The following COL9A3 variants were observed in gnomAD, a reference collection of about 807,000 sequenced individuals.
COL9A3 encodes the protein collagen type IX alpha 3 chain, also known as collagen alpha-3(IX) chain.
In COL9A3, 82 loss-of-function variants were observed where a neutral mutation model predicts 110.2. The observed-to-expected ratio is 0.74, with a 90% confidence interval of 0.62 to 0.89. The LOEUF is 0.89. Ranked by LOEUF, COL9A3 falls within the 40% of genes least tolerant of loss-of-function variation. COL9A3 has a pLI of 0.00. For missense variants in COL9A3, 1,066 were observed against 981.3 expected (o/e 1.09, Z -1.15); for synonymous variants, 494 against 403.8 (o/e 1.22, Z -2.68).
At chr20:62,835,846 T>C (rs923116078) in intron 26 of COL9A3, 75 bp from the exon 27 acceptor site, 8 of 1,495,748 alleles carry the variant, frequency 5.3e-6, no homozygotes, top group African/African-American at 1.4e-5. Context: ...ATTTGATTTA[T>C]TTTATCCTCA....
intron 29 of COL9A3, 145 bp from the exon 30 acceptor site, chr20:62,836,938 C>T (rs1312207314): frequency 4.5e-6 from 5 of 1,105,260 alleles, no homozygotes; most frequent in Non-Finnish European, 6.8e-6. Context: ...CATTCATCAC[C>T]CCAAAGCAGT....
intron 3 of COL9A3, 34 bp from the exon 4 acceptor site, chr20:62,819,188 C>T (rs531320203): frequency 1.1e-5 from 17 of 1,603,546 alleles, no homozygotes; most frequent in African/African-American, 4.0e-5. Flanking sequence ...GGCCAGACCC[C>T]GCCTTCACAT....
intron 3 of COL9A3, 50 bp downstream of exon 3, chr20:62,818,603 G>A (rs771733147): frequency 1.3e-6 from 2 of 1,572,808 alleles, no homozygotes; most frequent in East Asian, 2.2e-5. Flanking sequence ...TGGAGAGAAA[G>A]GGGGAACTCA....
chr20:62,822,577 T>A lies in COL9A3; in HGVS notation c.478-14T>A, dbSNP rs1455548872. ...GGAGGGCGGGAGAATGTCAGCTGTC[T>A]CTTTTTGTCTTAGGGACACCCAGGA... is the stretch of plus-strand genomic sequence containing the variant. On this transcript the variant is annotated splice_polypyrimidine_tract_variant and intron_variant, in intron 9 of 31. Transcript: ENST00000649368. 5 of 1,612,018 alleles carry A rather than the reference T, an allele frequency of 3.1e-6. No homozygotes were observed. In the African/African-American group the frequency reaches 5.3e-5, roughly 17 times the overall value.
In COL9A3 at chr20:62,828,986, C is replaced by T. The variant is rs6062700; in HGVS notation, c.1008+10C>T. ...CCCCAACGGGCTGCCGGTGAGTGCC[C>T]GGCGGGTGGGGCCAGCCTGGGGCGC... On this transcript the variant is annotated intron_variant, in intron 19 of 31. Coordinates refer to ENST00000649368, the MANE Select transcript of COL9A3 (RefSeq NM_001853.4). 0.48 allele frequency: 765,901 copies of T among 1,596,078 alleles called. 190,486 individuals carry two copies. Among genetic ancestry groups the T allele is most frequent in the African/African-American group, 0.8 (59,617 of 74,702 alleles).
chr20:62,820,381 A>C (rs558871514), intron 5 of COL9A3, among the ~76,000 whole-genome samples: 1 of 151,772 alleles, frequency 6.6e-6, no homozygotes, highest in South Asian at 2.1e-4. Flanking sequence ...ACCCTGACGG[A>C]GCGGCACCAC....
chr20:62,823,187 A>G lies in COL9A3; in HGVS notation c.519+555A>G, dbSNP rs117339000. Among the ~76,000 whole-genome samples, 1,463 of 152,246 alleles carry G rather than the reference A, an allele frequency of 9.6e-3. 15 individuals are homozygous for G. The highest frequency in any genetic ancestry group is 0.044 in the South Asian group (210 of 4,826). On this transcript the variant is annotated intron_variant, in intron 10 of 31. Coordinates refer to ENST00000649368, the MANE Select transcript of COL9A3 (RefSeq NM_001853.4). ...TCTTTGTCTCTACAAAAAATTGTTA[A>G]AGTAGCCAGACGTGGTGGCGTGCCT...
At position 62,817,161 on chromosome 20, in the gene COL9A3, C is replaced by A; in HGVS notation, c.78+19C>A. 4.4e-6 allele frequency: 6 copies of A among 1,378,564 alleles called. No homozygotes were observed. The highest frequency in any genetic ancestry group is 5.7e-6 in the Non-Finnish European group (6 of 1,059,888). The allele number at this position is 1,378,564 out of a possible 1,614,324, so 85.4% of individuals were successfully genotyped here. A position where few individuals can be genotyped will look rare whatever the true frequency, so the allele number is the denominator to read the frequency against. On this transcript the variant is annotated intron_variant, in intron 1 of 31. Transcript: ENST00000649368. ...GGCGCAGGTGAGCGCGAGCTCCGGG[C>A]TCTGAGGCTGGACGTGGAGCCGCGA...
intron 22 of COL9A3, among the ~76,000 whole-genome samples, chr20:62,830,129 G>A (rs2063583998): frequency 6.6e-6 from 1 of 152,126 alleles, no homozygotes; most frequent in African/African-American, 2.4e-5. Context: ...ATGGGTGCCT[G>A]GCCCCGAGTC....
rs1410393228 is a variant in COL9A3 at position 62,825,015 on chromosome 20, C to T, written c.624C>T (p.Gly208=). 3.1e-6 allele frequency: 5 copies of T among 1,607,934 alleles called. No homozygotes were observed. The South Asian group carries it at 3.3e-5, about 11-fold the overall frequency. Residue 208 remains glycine (G), a synonymous_variant, in exon 12 of 32, where the codon GGC becomes GGT. Transcript: ENST00000649368. The part of the protein sequence containing the change: ...KGEQGEVGKD[G]EKGDPGPPGP... ...AGCAGGGGGAAGTCGGCAAGGACGG[C>T]GAGAAGGTGAAGCTGCCGCACAGCA... is the stretch of plus-strand genomic sequence containing the variant.
At chr20:62,825,929 G>A in intron 13 of COL9A3, 59 bp downstream of exon 13, 1 of 1,517,246 alleles carries the variant, frequency 6.6e-7, no homozygotes, top group African/African-American at 1.4e-5. Context: ...GAGTGATCAA[G>A]CCCTGCACAT....
chr20:62,821,050 C>T (rs574963082), intron 5 of COL9A3, 131 bp from the exon 6 acceptor site: 15 of 920,876 alleles, frequency 1.6e-5, no homozygotes, highest in Non-Finnish European at 2.2e-5. Flanking sequence ...GAGGCCCTGC[C>T]CCTCTGTGAA....
chr20:62,832,304 T>C, intron 25 of COL9A3, 115 bp downstream of exon 25: 1 of 1,038,460 alleles, frequency 9.6e-7, no homozygotes, highest in African/African-American at 1.6e-5. Context: ...CTGAGCCTCC[T>C]TTCTCCTCTT....
upstream of COL9A3, among the ~76,000 whole-genome samples, chr20:62,816,739 C>A (rs751198660): frequency 5.4e-4 from 82 of 152,280 alleles, no homozygotes; most frequent in Non-Finnish European, 6.0e-4. Flanking sequence ...CTTCCGCCCC[C>A]ACACTCGGGT....
chr20:62,827,022 C>T (rs1221452446), intron 15 of COL9A3, among the ~76,000 whole-genome samples: 2 of 152,170 alleles, frequency 1.3e-5, no homozygotes, highest in Non-Finnish European at 1.5e-5. Flanking sequence ...CGCCTCCTTT[C>T]TGGTTCTGGA....
intron 12 of COL9A3, 43 bp from the exon 13 acceptor site, chr20:62,825,774 G>A (rs1271424369): frequency 1.3e-6 from 2 of 1,547,258 alleles, no homozygotes; most frequent in East Asian, 4.9e-5. Flanking sequence ...GGTGCAAGGA[G>A]AGCCAGACTG....
At position 62,840,763 on chromosome 20, in the gene COL9A3, CGCCCG is replaced by C. The variant is rs201896893; in HGVS notation, c.*32_*36del. ...AACGTGAGGAAGCAAGTGACAAGGA[CGCCCG>C]AAGCACAGTGGACGGTCATGAAGGA... On this transcript the variant is annotated 3_prime_UTR_variant, in exon 32 of 32. Coordinates refer to ENST00000649368, the MANE Select transcript of COL9A3 (RefSeq NM_001853.4). 5 of 1,551,910 alleles carry C rather than the reference CGCCCG, an allele frequency of 3.2e-6. No homozygotes were observed. In the East Asian group the frequency reaches 9.8e-5, roughly 30 times the overall value.
intron 26 of COL9A3, among the ~76,000 whole-genome samples, chr20:62,833,578 T>C (rs2063612907): frequency 6.6e-6 from 1 of 151,708 alleles, no homozygotes. Flanking sequence ...TAATTTTTTG[T>C]ATTTTTAGTA....
chr20:62,840,482 C>A, intron 31 of COL9A3, 60 bp from the exon 32 acceptor site: 2 of 1,486,274 alleles, frequency 1.3e-6, no homozygotes, highest in South Asian at 2.3e-5. Context: ...AGCTGGATGT[C>A]AAGTCCCCCT....
Sources: allele counts gnomAD v4.1 joint callset (sites outside exome capture counted in the v4.1 genomes callset), GRCh38; gene constraint gnomAD v4.1.1; transcripts MANE v1.5; gene names NCBI Gene and HGNC (gene_info 2026-07-23, HGNC 2026-07-21).